The following LDLRAD4 variants were observed in gnomAD, a reference collection of about 807,000 sequenced individuals.
The protein encoded by LDLRAD4 is low density lipoprotein receptor class A domain containing 4, also known as low-density lipoprotein receptor class A domain-containing protein 4.
Under a neutral mutation model 17.0 loss-of-function variants are expected in LDLRAD4, and 5 were observed. The observed-to-expected ratio is 0.29, with a 90% CI of 0.15 to 0.62. The LOEUF is 0.62. LDLRAD4 is among the 20% of genes least tolerant of loss of function. The pLI, the probability that LDLRAD4 is intolerant of heterozygous loss-of-function variation, is 0.84. For synonymous variants in LDLRAD4, 168 were observed against 171.8 expected (o/e 0.98, Z 0.17); for missense variants, 340 against 424.7 (o/e 0.80, Z 1.75).
chr18:13,577,299 A>C (rs1601508300), intron 3 of LDLRAD4, among the ~76,000 whole-genome samples: 1 of 152,198 alleles, frequency 6.6e-6, no homozygotes, highest in Non-Finnish European at 1.5e-5. Flanking sequence ...TGGACAACAA[A>C]GGACATGTTC....
At position 13,534,552 on chromosome 18, in the gene LDLRAD4, G is replaced by GA. The variant is rs879815675; in HGVS notation, c.182-86554dup. ...CTTGAAGAGACCCTGTTGCTAAAAA[G>GA]AAAAAAAAAAAGAAAGTCAAAATAA... On this transcript the variant is annotated intron_variant, in intron 3 of 5. Transcript: ENST00000359446. Among the ~76,000 whole-genome samples, 579 of 143,432 alleles carry GA rather than the reference G, an allele frequency of 4.0e-3. 3 individuals carry two copies. Among genetic ancestry groups the GA allele is most frequent in the Non-Finnish European group, 5.4e-3 (351 of 65,050 alleles). The allele number at this position is 143,432 out of a possible 152,430, so 94.1% of individuals were successfully genotyped here.
At chr18:13,641,874 G>T (rs901900828) in intron 4 of LDLRAD4, 372 of 985,384 alleles carry the variant, frequency 3.8e-4, no homozygotes, top group Non-Finnish European at 4.4e-4. Context: ...TTCAGGAACC[G>T]CTCAGCCCCT....
chr18:13,439,983 G>T (rs553969054), intron 3 of LDLRAD4, among the ~76,000 whole-genome samples: 1 of 152,202 alleles, frequency 6.6e-6, no homozygotes, highest in African/African-American at 2.4e-5. Context: ...TATTCCAGGC[G>T]CTAAGCACTC....
intron 3 of LDLRAD4, among the ~76,000 whole-genome samples, chr18:13,532,348 C>A (rs949202169): frequency 6.6e-6 from 1 of 152,180 alleles, no homozygotes; most frequent in African/African-American, 2.4e-5. Context: ...TGGTAGTATT[C>A]GGCCTGGATG....
At chr18:13,467,599 C>T (rs180927667) in intron 3 of LDLRAD4, among the ~76,000 whole-genome samples, 1 of 152,326 alleles carries the variant, frequency 6.6e-6, no homozygotes, top group East Asian at 1.9e-4. Flanking sequence ...GCAATACAAT[C>T]CCTATCAAAA....
intron 3 of LDLRAD4, among the ~76,000 whole-genome samples, chr18:13,482,181 G>A (rs2093105682): frequency 6.6e-6 from 1 of 152,158 alleles, no homozygotes; most frequent in Admixed American, 6.5e-5. Context: ...GAGAAGGGCA[G>A]TGCCTGGGGG....
At chr18:13,639,558 G>A (rs1444288996) in intron 4 of LDLRAD4, among the ~76,000 whole-genome samples, 4 of 152,178 alleles carry the variant, frequency 2.6e-5, no homozygotes, top group Admixed American at 1.3e-4. Context: ...CTAATGGTAC[G>A]GGGTGGTTGG....
intron 3 of LDLRAD4, among the ~76,000 whole-genome samples, chr18:13,448,950 C>T (rs1355569460): frequency 6.6e-6 from 1 of 152,218 alleles, no homozygotes. Flanking sequence ...GCAGCTTTAA[C>T]ATGGGAAAGA....
chr18:13,612,900 A>G lies in LDLRAD4; in HGVS notation c.182-8217A>G, dbSNP rs1219710123. 10 of 1,085,368 alleles carry G rather than the reference A, an allele frequency of 9.2e-6. No individual in the cohort carries two copies. The Admixed American group carries it at 1.6e-4, about 17-fold the overall frequency. The allele number at this position is 1,085,368 out of a possible 1,614,324, so 67.2% of individuals were successfully genotyped here. On this transcript the variant is annotated intron_variant, in intron 3 of 5. Coordinates refer to ENST00000359446, the Ensembl canonical transcript of LDLRAD4. ...GCTCTTTCTCAAGAAGTTTCTTTCTACCTAAGAGGGGTCTGTCAACTCAGA... is the reference window on the plus strand; with the variant it reads ...GCTCTTTCTCAAGAAGTTTCTTTCTGCCTAAGAGGGGTCTGTCAACTCAGA...
upstream of LDLRAD4, among the ~76,000 whole-genome samples, chr18:13,277,286 T>C (rs2044938655): frequency 2.0e-5 from 3 of 151,822 alleles, no homozygotes; most frequent in African/African-American, 7.3e-5. Flanking sequence ...TGGACAAGAG[T>C]GTGTCCTGCA....
At chr18:13,571,245 C>T (rs1021602170) in intron 3 of LDLRAD4, among the ~76,000 whole-genome samples, 39 of 152,320 alleles carry the variant, frequency 2.6e-4, no homozygotes, top group Non-Finnish European at 2.1e-4. Flanking sequence ...TGTAAGTACG[C>T]TGTCTATGAT....
chr18:13,225,070 A>G (rs2041704884), intron 1 of LDLRAD4, among the ~76,000 whole-genome samples: 1 of 149,990 alleles, frequency 6.7e-6, no homozygotes, highest in Non-Finnish European at 1.5e-5. Context: ...TCCTCACCTC[A>G]AGTGATCCGC....
intron 4 of LDLRAD4, chr18:13,642,015 C>T (rs2148978997): frequency 5.1e-6 from 5 of 985,368 alleles, no homozygotes; most frequent in South Asian, 4.7e-5. Context: ...TTCCCGCTTC[C>T]GCCCCGCTGG....
intron 3 of LDLRAD4, among the ~76,000 whole-genome samples, chr18:13,529,422 C>T (rs1213997614): frequency 6.6e-6 from 1 of 152,146 alleles, no homozygotes; most frequent in African/African-American, 2.4e-5. Flanking sequence ...AGGTCATCCA[C>T]AAGTAGAAAA....
intron 3 of LDLRAD4, among the ~76,000 whole-genome samples, chr18:13,579,984 GCCTT>G (rs1156342361): frequency 6.6e-6 from 1 of 152,130 alleles, no homozygotes; most frequent in Non-Finnish European, 1.5e-5. Context: ...TAGTCACACT[GCCTT>G]CCTTCCTTCC....
intron 3 of LDLRAD4, among the ~76,000 whole-genome samples, chr18:13,468,990 TAAAGTA>T (rs922540784): frequency 6.6e-6 from 1 of 150,612 alleles, no homozygotes; most frequent in Non-Finnish European, 1.5e-5. Flanking sequence ...CCCTAAAACT[TAAAGTA>T]TAATAATAAT....
chr18:13,561,907 C>G (rs1035004681), intron 3 of LDLRAD4: 3 of 151,962 alleles, frequency 2.0e-5, no homozygotes, highest in Non-Finnish European at 2.9e-5. Flanking sequence ...TAGAGAAAAC[C>G]TAAAAGAAAA....
At chr18:13,244,569 A>T (rs1324892553) in intron 1 of LDLRAD4, among the ~76,000 whole-genome samples, 1 of 152,256 alleles carries the variant, frequency 6.6e-6, no homozygotes, top group African/African-American at 2.4e-5. Flanking sequence ...ATAATTACGA[A>T]TGAATCCTTG....
At chr18:13,430,282 G>C (rs1335210587) in intron 2 of LDLRAD4, among the ~76,000 whole-genome samples, 1 of 152,184 alleles carries the variant, frequency 6.6e-6, no homozygotes, top group African/African-American at 2.4e-5. Context: ...TCTGTCAGTG[G>C]GCGACGTGGA....
Sources: gnomAD v4.1 joint callset for allele counts (sites outside exome capture counted in the v4.1 genomes callset) on GRCh38, gnomAD v4.1.1 for gene constraint, MANE v1.5 for transcripts, NCBI Gene and HGNC (gene_info 2026-07-23, HGNC 2026-07-21) for gene names.